The following ROBO1 variants were observed in gnomAD, a reference collection of about 807,000 sequenced individuals.
The protein encoded by ROBO1 is roundabout homolog 1.
Under a neutral mutation model 195.9 loss-of-function variants are expected in ROBO1, and 149 were observed. That is an observed-to-expected ratio of 0.76 (90% confidence interval 0.67 to 0.87). The LOEUF (loss-of-function observed/expected upper bound fraction) is 0.87. ROBO1 is among the 40% of genes least tolerant of loss of function. The pLI, the probability that ROBO1 is intolerant of heterozygous loss-of-function variation, is 0.00. For synonymous variants in ROBO1, 816 were observed against 733.2 expected (o/e 1.11, Z -1.82); for missense variants, 1,933 against 2,068.3 (o/e 0.93, Z 1.27).
At chr3:79,555,651 G>A (rs1942672331) in intron 2 of ROBO1, among the ~76,000 whole-genome samples, 1 of 152,114 alleles carries the variant, frequency 6.6e-6, no homozygotes, top group South Asian at 2.1e-4. Flanking sequence ...TTTCTGCTTT[G>A]TTATGGAGCT....
chr3:78,675,775 C>A (rs1708383478), intron 10 of ROBO1, among the ~76,000 whole-genome samples: 1 of 152,148 alleles, frequency 6.6e-6, no homozygotes, highest in Non-Finnish European at 1.5e-5. Context: ...ACAGCAGTAA[C>A]CTCTGCAGAC....
intron 3 of ROBO1, among the ~76,000 whole-genome samples, chr3:78,963,494 GTTT>G (rs750158094): frequency 8.5e-3 from 614 of 72,224 alleles, no homozygotes; most frequent in African/African-American, 0.023. Context: ...AAAACCTTCA[GTTT>G]TTTTTTTTTT....
chr3:78,777,408 C>G (rs190111369), intron 4 of ROBO1, among the ~76,000 whole-genome samples: 2 of 147,216 alleles, frequency 1.4e-5, no homozygotes, highest in Non-Finnish European at 3.0e-5. Context: ...TGTACTTTGT[C>G]TGTTTCACAA....
chr3:78,624,592 A>G (rs1047208225), intron 26 of ROBO1, among the ~76,000 whole-genome samples: 4 of 152,156 alleles, frequency 2.6e-5, no homozygotes, highest in African/African-American at 4.8e-5. Context: ...GTCAACTCCA[A>G]TTATTCCATA....
intron 2 of ROBO1, among the ~76,000 whole-genome samples, chr3:79,401,735 T>A (rs2037375256): frequency 6.6e-6 from 1 of 151,872 alleles, no homozygotes; most frequent in South Asian, 2.1e-4. Flanking sequence ...AGGAGGATTA[T>A]AAATACAGGT....
Position 79,559,139 on chromosome 3 carries a change from C to G in ROBO1, c.88+30685G>C, listed in dbSNP as rs117687838. On this transcript the variant is annotated intron_variant, in intron 2 of 30. Coordinates refer to ENST00000464233, the MANE Select transcript of ROBO1 (RefSeq NM_002941.4). ...AAGGGAAATGCCTCGTCACACCATG[C>G]TGAAATAAAGCAATTGTCTAGCTCT... 6.4e-4 allele frequency among the ~76,000 whole-genome samples: 98 copies of G among 152,252 alleles called. 1 individual carries two copies. The East Asian group carries it at 0.017, about 27-fold the overall frequency.
At chr3:78,890,927 A>C (rs1489505395) in intron 4 of ROBO1, among the ~76,000 whole-genome samples, 2 of 152,012 alleles carry the variant, frequency 1.3e-5, no homozygotes, top group African/African-American at 4.8e-5. Flanking sequence ...ACGCCCAACT[A>C]ATGTTTTTTT....
chr3:79,725,448 G>A (rs1207491497), intron 1 of ROBO1, among the ~76,000 whole-genome samples: 1 of 151,572 alleles, frequency 6.6e-6, no homozygotes, highest in African/African-American at 2.4e-5. Context: ...GGATGGTCTC[G>A]ATCTCCTGAC....
chr3:78,768,263 G>A (rs1380444337), intron 4 of ROBO1, among the ~76,000 whole-genome samples: 2 of 151,384 alleles, frequency 1.3e-5, no homozygotes, highest in East Asian at 1.9e-4. Context: ...GGGTGGAGTC[G>A]ATTTTCAGTT....
At chr3:79,662,891 T>C (rs2106841193) in intron 1 of ROBO1, among the ~76,000 whole-genome samples, 1 of 151,976 alleles carries the variant, frequency 6.6e-6, no homozygotes, top group Admixed American at 6.6e-5. Context: ...TCCAAGAAAA[T>C]AACAAGGTCT....
At chr3:78,944,324 C>G (rs756119551) in intron 3 of ROBO1, among the ~76,000 whole-genome samples, 1 of 152,228 alleles carries the variant, frequency 6.6e-6, no homozygotes, top group Non-Finnish European at 1.5e-5. Context: ...TGATTGCTTA[C>G]TTTTAAAATA....
intron 3 of ROBO1, among the ~76,000 whole-genome samples, chr3:79,021,679 G>C (rs1482947500): frequency 1.1e-5 from 1 of 93,050 alleles, no homozygotes; most frequent in Non-Finnish European, 2.0e-5. Flanking sequence ...TTTTTTTTTA[G>C]AGACGGAGTC....
At chr3:79,361,163 G>C (rs1012355726) in intron 2 of ROBO1, among the ~76,000 whole-genome samples, 1 of 152,014 alleles carries the variant, frequency 6.6e-6, no homozygotes, top group African/African-American at 2.4e-5. Flanking sequence ...ATAGTTGTAT[G>C]ACCTGAGATA....
chr3:78,632,757 T>A (rs3773209), intron 24 of ROBO1, among the ~76,000 whole-genome samples: 34,097 of 152,086 alleles, frequency 0.22, 4,056 homozygotes, highest in East Asian at 0.42. Flanking sequence ...TTGTTTATTT[T>A]CCCATTAAGA....
chr3:78,624,159 C>T (rs10865569), intron 26 of ROBO1, among the ~76,000 whole-genome samples: 62,126 of 151,862 alleles, frequency 0.41, 12,834 homozygotes, highest in Middle Eastern at 0.49. Context: ...ATAATATTGG[C>T]GTATCATAAA....
chr3:79,426,950 A>T lies in ROBO1; in HGVS notation c.88+162874T>A, dbSNP rs2038471937. 2.6e-5 allele frequency among the ~76,000 whole-genome samples: 4 copies of T among 152,132 alleles called. No individual in the cohort carries two copies. The South Asian group carries it at 8.3e-4, about 31-fold the overall frequency. On this transcript the variant is annotated intron_variant, in intron 2 of 30. Coordinates refer to ENST00000464233, the MANE Select transcript of ROBO1 (RefSeq NM_002941.4). ...ATGATCAGTCTTATATAATCCACAAATAAAAACAAAAAGTCTATTAAAATT... is the reference window on the plus strand; with the variant it reads ...ATGATCAGTCTTATATAATCCACAATTAAAAACAAAAAGTCTATTAAAATT...
At chr3:79,454,226 T>C (rs1437294958) in intron 2 of ROBO1, among the ~76,000 whole-genome samples, 1 of 151,814 alleles carries the variant, frequency 6.6e-6, no homozygotes, top group African/African-American at 2.4e-5. Flanking sequence ...ATGATTTCAT[T>C]ACATGAAGAA....
At chr3:79,397,697 C>A (rs1443320549) in intron 2 of ROBO1, among the ~76,000 whole-genome samples, 1 of 152,088 alleles carries the variant, frequency 6.6e-6, no homozygotes, top group Non-Finnish European at 1.5e-5. Flanking sequence ...CAATGAAACC[C>A]CCAAAACATT....
intron 1 of ROBO1, among the ~76,000 whole-genome samples, chr3:79,739,667 G>T (rs988719654): frequency 6.6e-6 from 1 of 152,120 alleles, no homozygotes; most frequent in Admixed American, 6.6e-5. Context: ...AGAGAAAGAA[G>T]CTAGGGAAAA....
Sources: gnomAD v4.1 joint callset for allele counts (sites outside exome capture counted in the v4.1 genomes callset) on GRCh38, gnomAD v4.1.1 for gene constraint, MANE v1.5 for transcripts, NCBI Gene and HGNC (gene_info 2026-07-23, HGNC 2026-07-21) for gene names.